Variants in PLCB1 observed in about 807,000 individuals in gnomAD.
The protein encoded by PLCB1 is 1-phosphatidylinositol 4,5-bisphosphate phosphodiesterase beta-1.
Under a neutral mutation model 161.8 loss-of-function variants are expected in PLCB1, and 46 were observed. That is an observed-to-expected ratio of 0.28 (90% CI 0.22 to 0.36). The LOEUF (loss-of-function observed/expected upper bound fraction) is 0.36, where lower values mean the gene tolerates loss of function less well. Among genes scored for constraint, PLCB1 ranks in the 10% least tolerant of loss-of-function variants. The pLI, the probability that PLCB1 is intolerant of heterozygous loss-of-function variation, is 1.00. For missense variants in PLCB1, 1,016 were observed against 1,472.5 expected (o/e 0.69, Z 5.07); for synonymous variants, 517 against 503.7 (o/e 1.03, Z -0.35).
chr20:8,673,612 C>T (rs767915112), intron 9 of PLCB1, among the ~76,000 whole-genome samples: 11 of 152,048 alleles, frequency 7.2e-5, no homozygotes, highest in South Asian at 2.1e-4. Flanking sequence ...TGCATTTCTT[C>T]GATGTTTTCT....
chr20:8,486,686 G>T (rs999470460), intron 3 of PLCB1, among the ~76,000 whole-genome samples: 1 of 150,174 alleles, frequency 6.7e-6, no homozygotes, highest in Non-Finnish European at 1.5e-5. Context: ...TAGTAGAGAC[G>T]GGGTTTCACC....
At chr20:8,322,944 C>T (rs1394560645) in intron 2 of PLCB1, among the ~76,000 whole-genome samples, 2 of 152,144 alleles carry the variant, frequency 1.3e-5, no homozygotes, top group African/African-American at 4.8e-5. Context: ...ATATACCTCA[C>T]ATTGTGTTAG....
At chr20:8,429,423 G>C (rs144379941) in intron 3 of PLCB1, among the ~76,000 whole-genome samples, 79 of 152,140 alleles carry the variant, frequency 5.2e-4, no homozygotes, top group African/African-American at 1.9e-3. Context: ...GTGTTTTTTA[G>C]GTTGTGACCT....
rs536815940 is a variant in PLCB1, at chr20:8,249,467, C to A, written c.177+99096C>A. 2.8e-4 allele frequency: 42 copies of A among 152,008 alleles called. No individual in the cohort carries two copies. In the East Asian group the frequency reaches 5.1e-3, roughly 18 times the overall value. The allele number at this position is 152,008 out of a possible 1,614,324, so 9.4% of individuals were successfully genotyped here. ...CTTGTGTGGGTAAAGGCCTGTCCAT[C>A]ATTGGAAGTAATTGGAAAGAAAACT... On this transcript the variant is annotated intron_variant, in intron 2 of 31. Transcript: ENST00000338037.
intron 2 of PLCB1, among the ~76,000 whole-genome samples, chr20:8,239,645 G>A (rs1980505305): frequency 6.6e-6 from 1 of 151,390 alleles, no homozygotes. Flanking sequence ...TAAATCTTGA[G>A]AAAAAGAGTA....
intron 2 of PLCB1, among the ~76,000 whole-genome samples, chr20:8,196,566 G>A (rs749116273): frequency 1.3e-5 from 2 of 151,598 alleles, no homozygotes; most frequent in African/African-American, 4.8e-5. Flanking sequence ...GCTGCAGTGC[G>A]TTTATAGAGG....
At chr20:8,196,042 CT>C (rs1004023177) in intron 2 of PLCB1, among the ~76,000 whole-genome samples, 5 of 151,964 alleles carry the variant, frequency 3.3e-5, no homozygotes, top group African/African-American at 1.2e-4. Context: ...GGAAAATCTC[CT>C]TTTAAAACTA....
At chr20:8,355,700 A>G (rs1007247760) in intron 2 of PLCB1, among the ~76,000 whole-genome samples, 5 of 152,188 alleles carry the variant, frequency 3.3e-5, no homozygotes, top group African/African-American at 1.2e-4. Context: ...GTGCGAGCCC[A>G]GTATTGCTGA....
chr20:8,201,405 T>C (rs1280592550), intron 2 of PLCB1, among the ~76,000 whole-genome samples: 1 of 152,146 alleles, frequency 6.6e-6, no homozygotes, highest in Non-Finnish European at 1.5e-5. Flanking sequence ...ACAATTCTTA[T>C]TTTAAAGCCA....
At chr20:8,716,156 G>C (rs1979298135) in intron 12 of PLCB1, 108 bp from the exon 13 acceptor site, 1 of 760,254 alleles carries the variant, frequency 1.3e-6, no homozygotes, top group Non-Finnish European at 2.3e-6. Flanking sequence ...CCTGATGGGT[G>C]GGATTAGAGA....
At chr20:8,644,569 G>A (rs559620078) in intron 4 of PLCB1, among the ~76,000 whole-genome samples, 2,197 of 150,882 alleles carry the variant, frequency 0.015, 36 homozygotes, top group Middle Eastern at 0.028. Context: ...CAGCCGCCCC[G>A]TCTGAGAAGT....
intron 3 of PLCB1, among the ~76,000 whole-genome samples, chr20:8,470,876 G>A (rs1982023977): frequency 6.6e-6 from 1 of 150,882 alleles, no homozygotes; most frequent in South Asian, 2.1e-4. Flanking sequence ...GTCTTGTTTT[G>A]TTTGATTTGG....
intron 2 of PLCB1, among the ~76,000 whole-genome samples, chr20:8,292,648 G>T (rs768254415): frequency 1.5e-4 from 23 of 152,084 alleles, no homozygotes; most frequent in Non-Finnish European, 3.2e-4. Context: ...GAAATTTAAA[G>T]AATCGGTTAT....
intron 26 of PLCB1, among the ~76,000 whole-genome samples, chr20:8,767,821 T>C (rs1982426283): frequency 6.6e-6 from 1 of 152,178 alleles, no homozygotes; most frequent in Non-Finnish European, 1.5e-5. Context: ...CTGTAAAAAG[T>C]ACAGCAAACT....
chr20:8,391,785 G>GTATATATATATATATATATA (rs374178427), intron 3 of PLCB1, among the ~76,000 whole-genome samples: 1 of 115,156 alleles, frequency 8.7e-6, no homozygotes, highest in Admixed American at 9.9e-5. Flanking sequence ...ATATGTGTGT[G>GTATATATATATATATATATA]TATATATATA....
intron 2 of PLCB1, among the ~76,000 whole-genome samples, chr20:8,270,153 G>A (rs1982207007): frequency 6.6e-6 from 1 of 152,098 alleles, no homozygotes; most frequent in Non-Finnish European, 1.5e-5. Context: ...ATGTTCCGGA[G>A]ATGTTGCATA....
chr20:8,458,053 G>A (rs1981406268), intron 3 of PLCB1, among the ~76,000 whole-genome samples: 1 of 152,166 alleles, frequency 6.6e-6, no homozygotes, highest in Non-Finnish European at 1.5e-5. Flanking sequence ...GCAGGTTCCA[G>A]GTACGCTGTG....
chr20:8,179,548 G>T (rs2051816837), intron 2 of PLCB1, among the ~76,000 whole-genome samples: 1 of 152,072 alleles, frequency 6.6e-6, no homozygotes, highest in East Asian at 1.9e-4. Context: ...GAGGCAATAG[G>T]GTTTTCTAGG....
chr20:8,777,633 C>A (rs571851241), intron 27 of PLCB1, among the ~76,000 whole-genome samples: 15 of 151,224 alleles, frequency 9.9e-5, no homozygotes, highest in African/African-American at 2.9e-4. Context: ...GTGTGAGAAT[C>A]GCTTGAACCC....
Sources: gnomAD v4.1 joint callset for allele counts (sites outside exome capture counted in the v4.1 genomes callset) on GRCh38, gnomAD v4.1.1 for gene constraint, MANE v1.5 for transcripts, NCBI Gene and HGNC (gene_info 2026-07-23, HGNC 2026-07-21) for gene names.